The following SLIT1 variants were observed in gnomAD, a reference collection of about 807,000 sequenced individuals.
The protein encoded by SLIT1 is slit guidance ligand 1, also known as slit homolog 1 protein.
In SLIT1, 66 loss-of-function variants were observed where a neutral mutation model predicts 186.1. The ratio of observed to expected loss-of-function variants is 0.35; its 90% CI spans 0.29 to 0.44. The LOEUF (loss-of-function observed/expected upper bound fraction) is 0.44. Ranked by LOEUF, SLIT1 falls within the 20% of genes least tolerant of loss-of-function variation. The pLI is 1.00. For synonymous variants in SLIT1, 761 were observed against 833.8 expected, an observed-to-expected ratio of 0.91 and a Z score of 1.50; for missense variants, 1,638 against 2,037.4, an observed-to-expected ratio of 0.80 and a Z score of 3.77.
At chr10:97,080,911 G>A (rs945746804) in intron 4 of SLIT1, among the ~76,000 whole-genome samples, 1 of 152,202 alleles carries the variant, frequency 6.6e-6, no homozygotes, top group Non-Finnish European at 1.5e-5. Context: ...CCGGGCTTAT[G>A]GCCTGGTACC....
chr10:97,003,160 T>C (rs1375430532), intron 34 of SLIT1, among the ~76,000 whole-genome samples, 168 bp from the exon 35 acceptor site: 1 of 152,168 alleles, frequency 6.6e-6, no homozygotes, highest in African/African-American at 2.4e-5. Context: ...GGGCCCAGGC[T>C]CCTTGCCCAG....
intron 4 of SLIT1, among the ~76,000 whole-genome samples, chr10:97,108,814 G>A (rs1043487367): frequency 2.7e-5 from 4 of 147,930 alleles, no homozygotes; most frequent in African/African-American, 9.9e-5. Flanking sequence ...CTTGAACCTG[G>A]TAGGCAGAGG....
intron 1 of SLIT1, among the ~76,000 whole-genome samples, chr10:97,165,521 G>T (rs996788439): frequency 6.6e-6 from 1 of 152,134 alleles, no homozygotes; most frequent in Non-Finnish European, 1.5e-5. Flanking sequence ...GGGAGCAGAC[G>T]TGCCCCAAGG....
intron 18 of SLIT1, among the ~76,000 whole-genome samples, chr10:97,045,430 A>G (rs1044933352): frequency 1.3e-5 from 2 of 152,218 alleles, no homozygotes; most frequent in African/African-American, 4.8e-5. Context: ...GCTTGTATGT[A>G]TGTATGTGTG....
chr10:97,141,710 T>C (rs558391603), intron 4 of SLIT1, among the ~76,000 whole-genome samples: 3 of 99,364 alleles, frequency 3.0e-5, no homozygotes, highest in East Asian at 2.9e-4. Context: ...TCGTATTGTA[T>C]TGTACTGTAT....
intron 4 of SLIT1, among the ~76,000 whole-genome samples, chr10:97,120,925 A>G (rs532692243): frequency 7.6e-4 from 116 of 152,252 alleles, no homozygotes; most frequent in South Asian, 4.2e-3. Context: ...GGGTTCATTC[A>G]AGCTTGGCTA....
In SLIT1 at chr10:97,007,409, A is replaced by G. The variant is rs142029112; in HGVS notation, c.3342-689T>C. ...CTTCACAAACTTGTCCAAAAAATAA[A>G]AAATGAGGGAACACTTTCTAACTCA... On this transcript the variant is annotated intron_variant, in intron 31 of 36. Coordinates refer to ENST00000266058, the MANE Select transcript of SLIT1 (RefSeq NM_003061.3). Among the ~76,000 whole-genome samples the G allele has an allele frequency of 3.1e-3, 475 of 152,352 alleles. 4 individuals carry two copies. The highest frequency in any genetic ancestry group is 0.011 in the African/African-American group (439 of 41,576).
intron 4 of SLIT1, chr10:97,101,244 T>G (rs1457943317): frequency 1.3e-5 from 2 of 152,138 alleles, no homozygotes; most frequent in Admixed American, 1.3e-4. Flanking sequence ...AGAACCAGCT[T>G]CCTGGCTCCT....
chr10:97,091,600 T>C (rs1170023697), intron 4 of SLIT1, among the ~76,000 whole-genome samples: 1 of 152,260 alleles, frequency 6.6e-6, no homozygotes, highest in Non-Finnish European at 1.5e-5. Flanking sequence ...GGTCCCTTCA[T>C]TCATGAATTA....
At chr10:97,048,870 G>GGTGGGCAT in intron 14 of SLIT1, 85 bp downstream of exon 14, 1 of 1,412,240 alleles carries the variant, frequency 7.1e-7, no homozygotes, top group Non-Finnish European at 9.8e-7. Context: ...CAGGTGGGCA[G>GGTGGGCAT]GTATGCAGGT....
chr10:97,166,413 G>A (rs1156948930), intron 1 of SLIT1, among the ~76,000 whole-genome samples: 2 of 151,586 alleles, frequency 1.3e-5, no homozygotes, highest in African/African-American at 4.9e-5. Context: ...CTACTCGGGA[G>A]GCTGAGGCAG....
rs777157475 is a variant in SLIT1, at chr10:97,040,090, G to C, written c.2195C>G (p.Pro732Arg). The C allele has an allele frequency of 6.3e-7, 1 of 1,592,544 alleles. No individual in the cohort carries two copies. Among genetic ancestry groups the C allele is most frequent in the Admixed American group, 1.7e-5 (1 of 57,376 alleles). ...GCAGGCGCACTCCTGTGGGCACTGT[G>C]GGCGGGGCAGGCAGCCCCCCTCCTC... ...GQEEGGCLPR[P>R]QCPQECACLD... is the part of the protein sequence containing the mutation. Residue 732 changes from proline to arginine, a missense_variant, in exon 21 of 37, where the codon CCA becomes CGA. Pro to Arg is a moderately radical substitution (Grantham distance 103). Transcript: ENST00000266058.
intron 4 of SLIT1, among the ~76,000 whole-genome samples, chr10:97,073,612 G>A (rs971785247): frequency 6.6e-5 from 10 of 152,154 alleles, no homozygotes; most frequent in African/African-American, 1.4e-4. Context: ...GCTGAAGGGC[G>A]GGACAAGGTC....
intron 4 of SLIT1, among the ~76,000 whole-genome samples, chr10:97,120,385 G>T (rs984441929): frequency 1.1e-4 from 16 of 152,154 alleles, no homozygotes; most frequent in Admixed American, 3.3e-4. Flanking sequence ...TGCCCTGTGA[G>T]ATTTACTTGA....
intron 28 of SLIT1, among the ~76,000 whole-genome samples, chr10:97,018,082 C>T (rs181894753): frequency 5.5e-4 from 84 of 152,212 alleles, no homozygotes; most frequent in Non-Finnish European, 9.9e-4. Context: ...CTCCTGACCT[C>T]GTGATCTGCC....
intron 18 of SLIT1, 80 bp downstream of exon 18, chr10:97,046,574 C>A (rs1472565815): frequency 1.4e-6 from 2 of 1,403,598 alleles, no homozygotes; most frequent in East Asian, 5.0e-5. Flanking sequence ...AGGGGCTCCT[C>A]CAGCCTCTCT....
chr10:97,047,702 G>A lies in SLIT1; in HGVS notation c.1622C>T (p.Ser541Phe), dbSNP rs139094426. 4.3e-6 allele frequency: 7 copies of A among 1,613,854 alleles called. No homozygotes were observed. In the South Asian group the frequency reaches 7.7e-5, roughly 18 times the overall value. ...LTKIPERIPQSTAELRLNNNE... is the reference protein window; with the variant it reads ...LTKIPERIPQFTAELRLNNNE... ...CAGGGACCCTCACAGTTCTGCCGTG[G>A]ACTGGGGGATGCGCTCAGGGATCTT... Residue 541 changes from serine to phenylalanine, a missense_variant, in exon 16 of 37, where the codon TCC becomes TTC. By Grantham distance (155) the Ser-to-Phe change is radical. Transcript: ENST00000266058.
intron 1 of SLIT1, among the ~76,000 whole-genome samples, chr10:97,166,623 G>GAAAGAGAAAAGAAAAGAAAAGAAA (rs3979552): frequency 1.6e-4 from 7 of 42,658 alleles, no homozygotes; most frequent in Admixed American, 2.7e-4. Context: ...AAGAAAGAAA[G>GAAAGAGAAAAGAAAAGAAAAGAAA]AGAAAAGAAA....
At chr10:97,153,238 T>C (rs1242373462) in intron 4 of SLIT1, 1 of 152,102 alleles carries the variant, frequency 6.6e-6, no homozygotes, top group Non-Finnish European at 1.5e-5. Flanking sequence ...AGGAAAGAAA[T>C]AGACAGACTA....
Sources: gnomAD v4.1 joint callset for allele counts (sites outside exome capture counted in the v4.1 genomes callset) on GRCh38, gnomAD v4.1.1 for gene constraint, MANE v1.5 for transcripts, NCBI Gene and HGNC (gene_info 2026-07-23, HGNC 2026-07-21) for gene names.